Variants in SAE1 observed in about 807,000 individuals in gnomAD.
SAE1 encodes SUMO-activating enzyme subunit 1.
SAE1 carries 11 observed loss-of-function variants against 40.6 expected under a neutral mutation model. The ratio of observed to expected loss-of-function variants is 0.27; its 90% CI spans 0.17 to 0.45. The LOEUF (loss-of-function observed/expected upper bound fraction) is 0.45. Ranked by LOEUF, SAE1 falls within the 20% of genes least tolerant of loss-of-function variation. The pLI, the probability that SAE1 is intolerant of heterozygous loss-of-function variation, is 1.00. For missense variants in SAE1, 373 were observed against 427.3 expected, an observed-to-expected ratio of 0.87 and a Z score of 1.12; for synonymous variants, 155 against 154.3, an observed-to-expected ratio of 1.00 and a Z score of -0.03.
intron 1 of SAE1, chr19:47,135,549 G>C (rs1219431976): frequency 6.6e-6 from 1 of 152,096 alleles, no homozygotes; most frequent in African/African-American, 2.4e-5. Context: ...CTGTCGCGCA[G>C]ACTAGAGTGC....
intron 6 of SAE1, among the ~76,000 whole-genome samples, chr19:47,183,068 A>G (rs1025768189): frequency 2.6e-5 from 4 of 152,012 alleles, no homozygotes; most frequent in African/African-American, 9.7e-5. Context: ...GGTGCCTACC[A>G]CCACGTCCGG....
At chr19:47,195,751 T>TTC (rs1234770616) in intron 6 of SAE1, among the ~76,000 whole-genome samples, 1 of 147,660 alleles carries the variant, frequency 6.8e-6, no homozygotes, top group African/African-American at 2.5e-5. Context: ...TTTTTTTTTT[T>TTC]TTTTGACAGG....
intron 6 of SAE1, among the ~76,000 whole-genome samples, chr19:47,194,254 T>C (rs767172182): frequency 3.9e-5 from 6 of 152,138 alleles, no homozygotes; most frequent in Non-Finnish European, 7.4e-5. Flanking sequence ...ACTTAGAGAA[T>C]GGCCCTCAAC....
intron 3 of SAE1, among the ~76,000 whole-genome samples, chr19:47,152,154 G>A (rs2058292209): frequency 6.6e-6 from 1 of 152,214 alleles, no homozygotes; most frequent in Non-Finnish European, 1.5e-5. Flanking sequence ...CAATTTGGAA[G>A]TTGTCTTTTG....
rs1052010106 is a variant in SAE1, at chr19:47,164,358, C to CG, written c.628-5457dup. Among the ~76,000 whole-genome samples the CG allele has an allele frequency of 3.8e-4, 58 of 151,796 alleles. 1 individual carries two copies. Among genetic ancestry groups the CG allele is most frequent in the Middle Eastern group, 3.4e-3 (1 of 292 alleles). On this transcript the variant is annotated intron_variant, in intron 5 of 8. Coordinates refer to ENST00000270225, the MANE Select transcript of SAE1 (RefSeq NM_005500.3). ...TAATTTTTTGTATTTTTAGTAGAGA[C>CG]GGGTTTCACCGTGTTAGCTAGGATG...
chr19:47,163,178 T>G (rs978819376), intron 5 of SAE1, among the ~76,000 whole-genome samples: 1 of 151,964 alleles, frequency 6.6e-6, no homozygotes, highest in African/African-American at 2.4e-5. Flanking sequence ...TTAGCTCTCC[T>G]TATTAATGGG....
chr19:47,150,648 C>T (rs975774697), intron 3 of SAE1, among the ~76,000 whole-genome samples: 3 of 152,172 alleles, frequency 2.0e-5, no homozygotes, highest in Admixed American at 6.5e-5. Flanking sequence ...AGCCAGGTTT[C>T]GTCTTTGGTG....
In SAE1 at chr19:47,156,791, A is replaced by G. The variant is rs375339052; in HGVS notation, c.627+1578A>G. ...AGTTTATATTAGGGGCTCAGCCTCT[A>G]TTTGGATTAGGTGCAATAATTACAT... On this transcript the variant is annotated intron_variant, in intron 5 of 8. Coordinates refer to ENST00000270225, the MANE Select transcript of SAE1 (RefSeq NM_005500.3). Among the ~76,000 whole-genome samples, 15 of 152,254 alleles carry G rather than the reference A, an allele frequency of 9.9e-5. No homozygotes were observed. The East Asian group carries it at 2.9e-3, about 29-fold the overall frequency.
At chr19:47,151,213 G>T (rs759360566) in intron 3 of SAE1, among the ~76,000 whole-genome samples, 4 of 151,570 alleles carry the variant, frequency 2.6e-5, no homozygotes, top group African/African-American at 7.3e-5. Context: ...GCAATTGTGC[G>T]ATCTTGGCTC....
rs982407995 is a variant in SAE1, at chr19:47,143,620, G to A, written c.210+15G>A. The A allele has an allele frequency of 6.4e-7, 1 of 1,573,234 alleles. No individual in the cohort carries two copies. Among genetic ancestry groups the A allele is most frequent in the South Asian group, 1.1e-5 (1 of 90,340 alleles). On this transcript the variant is annotated intron_variant, in intron 2 of 8. Transcript: ENST00000270225. ...ATCACGAACAGGTGCGCTGTTGTGA[G>A]CTCATTCCTCCCCTGCTCTGGCTCC...
intron 7 of SAE1, among the ~76,000 whole-genome samples, chr19:47,201,518 C>T (rs1220860623): frequency 2.7e-5 from 4 of 150,732 alleles, no homozygotes; most frequent in East Asian, 1.9e-4. Context: ...ACTATAGGCA[C>T]GTGCCACCAC....
intron 5 of SAE1, among the ~76,000 whole-genome samples, chr19:47,155,749 C>CTTTT (rs1425906351): frequency 1.7e-5 from 2 of 119,770 alleles, no homozygotes; most frequent in African/African-American, 3.2e-5. Context: ...GCCCCATACC[C>CTTTT]TTTTTTTTTT....
At chr19:47,140,864 A>AT (rs899762665) in intron 1 of SAE1, among the ~76,000 whole-genome samples, 1 of 151,556 alleles carries the variant, frequency 6.6e-6, no homozygotes, top group South Asian at 2.1e-4. Context: ...ATTTAATTTA[A>AT]TTTTTTTTGA....
chr19:47,173,609 A>G (rs2058448734), intron 6 of SAE1, among the ~76,000 whole-genome samples: 1 of 151,982 alleles, frequency 6.6e-6, no homozygotes, highest in Admixed American at 6.6e-5. Context: ...TGTCCTGTGC[A>G]CTGTGGGATA....
Position 47,152,776 on chromosome 19 carries a change from A to G in SAE1, c.385-122A>G, listed in dbSNP as rs564446165. The G allele has an allele frequency of 6.7e-6, 6 of 895,884 alleles. No individual in the cohort carries two copies. The Admixed American group carries it at 1.3e-4, about 19-fold the overall frequency. 55.5% of individuals were successfully genotyped at this position (895,884 alleles called of 1,614,324 possible). Reference sequence around the variant, plus strand: ...CCATAGGGCCCAAAGAACCTGTTGTACCAGTTTGAAACATGCTTTGAGCAT... The same window carrying G: ...CCATAGGGCCCAAAGAACCTGTTGTGCCAGTTTGAAACATGCTTTGAGCAT... On this transcript the variant is annotated intron_variant, in intron 3 of 8. Transcript: ENST00000270225.
Position 47,193,371 on chromosome 19 carries a change from G to A in SAE1, c.734-3862G>A, listed in dbSNP as rs190603129. Among the ~76,000 whole-genome samples the A allele has an allele frequency of 2.8e-3, 431 of 152,180 alleles. 2 individuals carry two copies. Among genetic ancestry groups the A allele is most frequent in the African/African-American group, 9.8e-3 (406 of 41,534 alleles). ...CCACCACACCTGGCCAATTGTTACAGCTTTGAGTTGACTGCCAAGTGTTGA... is the reference window on the plus strand; with the variant it reads ...CCACCACACCTGGCCAATTGTTACAACTTTGAGTTGACTGCCAAGTGTTGA... On this transcript the variant is annotated intron_variant, in intron 6 of 8. Transcript: ENST00000270225.
chr19:47,181,476 CTTT>C (rs202245801), intron 6 of SAE1, among the ~76,000 whole-genome samples: 3 of 99,722 alleles, frequency 3.0e-5, no homozygotes, highest in African/African-American at 9.4e-5. Context: ...TTTTCTTTTC[CTTT>C]TTTTTTTTTT....
intron 7 of SAE1, among the ~76,000 whole-genome samples, chr19:47,199,450 C>T (rs1021578666): frequency 3.6e-4 from 53 of 148,636 alleles, no homozygotes; most frequent in African/African-American, 1.2e-3. Flanking sequence ...GCACACGAGA[C>T]TGAGACATGG....
intron 6 of SAE1, among the ~76,000 whole-genome samples, chr19:47,180,821 G>A (rs561831485): frequency 6.6e-6 from 1 of 152,138 alleles, no homozygotes; most frequent in South Asian, 2.1e-4. Flanking sequence ...TGTCTCCCCC[G>A]AAAAAGAAGA....
Sources: gnomAD v4.1 joint callset for allele counts (sites outside exome capture counted in the v4.1 genomes callset) on GRCh38, gnomAD v4.1.1 for gene constraint, MANE v1.5 for transcripts, NCBI Gene and HGNC (gene_info 2026-07-23, HGNC 2026-07-21) for gene names.